Variants in UBXN7 observed in about 807,000 individuals in gnomAD.
UBXN7 encodes the protein UBX domain protein 7.
Under a neutral mutation model 58.0 loss-of-function variants are expected in UBXN7, and 9 were observed. The ratio of observed to expected loss-of-function variants is 0.16; its 90% CI spans 0.09 to 0.27. The LOEUF (loss-of-function observed/expected upper bound fraction) is 0.27, where lower values mean the gene tolerates loss of function less well. UBXN7 is among the 10% of genes least tolerant of loss of function. The pLI is 1.00. For synonymous variants in UBXN7, 208 were observed against 205.0 expected (o/e 1.01, Z -0.12); for missense variants, 328 against 599.6 (o/e 0.55, Z 4.73).
Position 196,348,224 on chromosome 3 carries a change from C to G in UBXN7, c.*8461G>C, listed in dbSNP as rs1228566940. 6.6e-6 allele frequency: 1 copy of G among 151,970 alleles called. No individual in the cohort carries two copies. Among genetic ancestry groups the G allele is most frequent in the Admixed American group, 6.6e-5 (1 of 15,246 alleles). The allele number at this position is 151,970 out of a possible 1,614,324, so 9.4% of individuals were successfully genotyped here. A position where few individuals can be genotyped will look rare whatever the true frequency, so the allele number is the denominator to read the frequency against. ...TGACTTACTAGATATACAGGAGGGT[C>G]TCTAATGTGTCTTGAACAAAAAAAT... On this transcript the variant is annotated 3_prime_UTR_variant, in exon 11 of 11. Transcript: ENST00000296328.
At chr3:196,360,621 C>T (rs537481390) in intron 10 of UBXN7, among the ~76,000 whole-genome samples, 11 of 152,312 alleles carry the variant, frequency 7.2e-5, no homozygotes, top group South Asian at 2.1e-4. Context: ...CACCTAGTCA[C>T]GTAAGAGCTC....
chr3:196,391,933 A>G lies in UBXN7; in HGVS notation c.356-8T>C. On this transcript the variant is annotated splice_polypyrimidine_tract_variant and splice_region_variant and intron_variant, in intron 4 of 10. Coordinates refer to ENST00000296328, the MANE Select transcript of UBXN7 (RefSeq NM_015562.2). ...ATTCTTGTTCTTGCCGAACTATAAT[A>G]CAGAAGGATGAAAGTTTCAGTTAGC... The G allele has an allele frequency of 6.4e-7, 1 of 1,555,980 alleles. No individual in the cohort carries two copies. The highest frequency in any genetic ancestry group is 8.7e-7 in the Non-Finnish European group (1 of 1,144,306).
intron 1 of UBXN7, 108 bp downstream of exon 1, chr3:196,432,219 G>A: frequency 6.8e-7 from 1 of 1,467,482 alleles, no homozygotes; most frequent in African/African-American, 1.4e-5. Flanking sequence ...GACGGCAGCT[G>A]TGGGTAAAGC....
At chr3:196,391,742 A>T in intron 5 of UBXN7, 71 bp downstream of exon 5, 2 of 1,191,952 alleles carry the variant, frequency 1.7e-6, no homozygotes, top group Non-Finnish European at 2.4e-6. Context: ...TAAAACAAGT[A>T]ATTTTTTAAA....
At chr3:196,369,932 A>G (rs1370808977) in intron 6 of UBXN7, among the ~76,000 whole-genome samples, 1 of 152,020 alleles carries the variant, frequency 6.6e-6, no homozygotes, top group Non-Finnish European at 1.5e-5. Flanking sequence ...GGAGATTGAG[A>G]CCATCCTGGC....
At chr3:196,402,886 T>C (rs1036962334) in intron 3 of UBXN7, 66 bp downstream of exon 3, 3 of 1,534,784 alleles carry the variant, frequency 2.0e-6, no homozygotes, top group Admixed American at 4.4e-5. Flanking sequence ...TTCACATCTT[T>C]TGATGGTTTC....
At chr3:196,385,084 A>G (rs1040164269) in intron 5 of UBXN7, among the ~76,000 whole-genome samples, 1 of 152,052 alleles carries the variant, frequency 6.6e-6, no homozygotes, top group East Asian at 1.9e-4. Flanking sequence ...CGCCATCTCG[A>G]CTCACTGCAA....
rs60528354 is a variant in UBXN7 at position 196,420,530 on chromosome 3, C to CAA, written c.73+11795_73+11796dup. Among the ~76,000 whole-genome samples the CAA allele has an allele frequency of 8.6e-3, 1,095 of 128,060 alleles. 15 individuals are homozygous for CAA. Among genetic ancestry groups the CAA allele is most frequent in the African/African-American group, 0.03 (1,018 of 33,424 alleles). The allele number at this position is 128,060 out of a possible 152,430, so 84.0% of individuals were successfully genotyped here. A position where few individuals can be genotyped will look rare whatever the true frequency, so the allele number is the denominator to read the frequency against. The stretch of plus-strand genomic sequence containing the variant: ...TGGGTGACAGAGCGAGACTCCATCT[C>CAA]AAAAAAAAAAAAAAATTAAATTAAA... On this transcript the variant is annotated intron_variant, in intron 1 of 10. Coordinates refer to ENST00000296328, the MANE Select transcript of UBXN7 (RefSeq NM_015562.2).
intron 3 of UBXN7, among the ~76,000 whole-genome samples, chr3:196,400,935 A>T (rs937052049): frequency 2.0e-5 from 3 of 152,148 alleles, no homozygotes; most frequent in East Asian, 1.9e-4. Flanking sequence ...TTATATTTTT[A>T]AAATTATGAG....
intron 1 of UBXN7, among the ~76,000 whole-genome samples, chr3:196,412,243 A>AG (rs1236064703): frequency 9.3e-5 from 10 of 107,532 alleles, no homozygotes; most frequent in East Asian, 9.3e-4. Flanking sequence ...AAAAAAAAAA[A>AG]AAAAAAGAAA....
At chr3:196,428,065 A>C (rs1577483993) in intron 1 of UBXN7, among the ~76,000 whole-genome samples, 2 of 152,326 alleles carry the variant, frequency 1.3e-5, no homozygotes, top group African/African-American at 4.8e-5. Flanking sequence ...CGGAGACAGC[A>C]GTGAGCCGAA....
chr3:196,370,127 C>CAAAA (rs368855542), intron 6 of UBXN7, among the ~76,000 whole-genome samples: 2 of 73,420 alleles, frequency 2.7e-5, no homozygotes, highest in Non-Finnish European at 5.1e-5. Flanking sequence ...AGACTTGTCT[C>CAAAA]AAAAAAAAAA....
chr3:196,419,233 C>T (rs1465092800), intron 1 of UBXN7, among the ~76,000 whole-genome samples: 5 of 152,048 alleles, frequency 3.3e-5, no homozygotes, highest in Non-Finnish European at 4.4e-5. Context: ...GCCAAGATCA[C>T]GCCACTGCAC....
intron 5 of UBXN7, among the ~76,000 whole-genome samples, chr3:196,381,588 A>T (rs1037710089): frequency 6.6e-6 from 1 of 152,244 alleles, no homozygotes; most frequent in Admixed American, 6.5e-5. Flanking sequence ...TCTCCTCCAA[A>T]GGATCGCAAC....
intron 2 of UBXN7, among the ~76,000 whole-genome samples, chr3:196,404,332 G>T (rs186996050): frequency 6.9e-6 from 1 of 144,658 alleles, no homozygotes; most frequent in East Asian, 2.0e-4. Context: ...GTATGATCTC[G>T]GCTCACTGCA....
At chr3:196,426,908 C>G (rs1260622326) in intron 1 of UBXN7, among the ~76,000 whole-genome samples, 1 of 151,602 alleles carries the variant, frequency 6.6e-6, no homozygotes, top group Non-Finnish European at 1.5e-5. Flanking sequence ...ACAAACATGA[C>G]AGCCCCTAAT....
intron 5 of UBXN7, among the ~76,000 whole-genome samples, chr3:196,386,562 T>C (rs1729405813): frequency 6.6e-6 from 1 of 152,062 alleles, no homozygotes; most frequent in African/African-American, 2.4e-5. Context: ...AGCATTCCTA[T>C]ACACCATTAA....
At chr3:196,367,665 C>G (rs1177942176) in intron 8 of UBXN7, among the ~76,000 whole-genome samples, 5 of 152,186 alleles carry the variant, frequency 3.3e-5, no homozygotes, top group African/African-American at 1.2e-4. Flanking sequence ...ACCTGGATAT[C>G]AGAAGCCCTC....
rs982400092 is a variant in UBXN7, at chr3:196,389,874, T to A, written c.468+1939A>T. Among the ~76,000 whole-genome samples, 21 of 151,696 alleles carry A rather than the reference T, an allele frequency of 1.4e-4. No individual in the cohort carries two copies. The East Asian group carries it at 2.9e-3, about 21-fold the overall frequency. On this transcript the variant is annotated intron_variant, in intron 5 of 10. Coordinates refer to ENST00000296328, the MANE Select transcript of UBXN7 (RefSeq NM_015562.2). ...GTAAAAGTATATCAAAGGACACATT[T>A]AAAAAAAAATAATCATAACATATTC...
Sources: allele counts gnomAD v4.1 joint callset (sites outside exome capture counted in the v4.1 genomes callset), GRCh38; gene constraint gnomAD v4.1.1; transcripts MANE v1.5; gene names NCBI Gene and HGNC (gene_info 2026-07-23, HGNC 2026-07-21).